Variants in CLDN1 observed in about 807,000 individuals in gnomAD.
CLDN1 encodes claudin 1.
CLDN1 carries 12 observed loss-of-function variants against 22.6 expected under a neutral mutation model. That is an observed-to-expected ratio of 0.53 (90% CI 0.34 to 0.86). The LOEUF (loss-of-function observed/expected upper bound fraction) is 0.86. Ranked by LOEUF, CLDN1 falls within the 40% of genes least tolerant of loss-of-function variation. The probability of loss-of-function intolerance (pLI) is 0.02; values close to 1 mark genes in which losing one functional copy is unlikely to be tolerated. For synonymous variants in CLDN1, 99 were observed against 103.8 expected (o/e 0.95, Z 0.28); for missense variants, 250 against 269.5 (o/e 0.93, Z 0.51).
chr3:190,308,404 G>T lies in CLDN1; in HGVS notation c.509C>A (p.Ala170Asp). 1 of 1,613,518 alleles carries T rather than the reference G, an allele frequency of 6.2e-7. No individual in the cohort carries two copies. Among genetic ancestry groups the T allele is most frequent in the East Asian group, 2.2e-5 (1 of 44,874 alleles). The stretch of plus-strand genomic sequence containing the variant: ...TCCCAGAAGGCAGAGAGAAGCAGCA[G>T]CCCAGCCAGTGAAGAGAGCCTGACC... ...EFGQALFTGW[A>D]AASLCLLGGA... Residue 170 changes from alanine (A) to aspartate (D), a missense_variant, in exon 4 of 4, where the codon GCT becomes GAT. Transcript: ENST00000295522.
chr3:190,309,859 G>T (rs1577387419), intron 3 of CLDN1, among the ~76,000 whole-genome samples: 1 of 152,070 alleles, frequency 6.6e-6, no homozygotes, highest in African/African-American at 2.4e-5. Flanking sequence ...CTTCAAAAAG[G>T]AAATTTCAAA....
chr3:190,311,799 G>A (rs531150764), intron 2 of CLDN1, among the ~76,000 whole-genome samples: 4 of 151,372 alleles, frequency 2.6e-5, no homozygotes, highest in South Asian at 4.2e-4. Flanking sequence ...ATATACACAC[G>A]TAAGTATACA....
chr3:190,312,407 G>A (rs1264832184), intron 2 of CLDN1, among the ~76,000 whole-genome samples: 1 of 151,500 alleles, frequency 6.6e-6, no homozygotes, highest in Non-Finnish European at 1.5e-5. Flanking sequence ...GTTTATTCTC[G>A]AATTAGATCT....
rs1489583410 is a variant in CLDN1, at chr3:190,306,278, T to G, written c.*1999A>C. 6.6e-6 allele frequency: 1 copy of G among 152,218 alleles called. No homozygotes were observed. Among genetic ancestry groups the G allele is most frequent in the Non-Finnish European group, 1.5e-5 (1 of 68,028 alleles). 9.4% of individuals were successfully genotyped at this position (152,218 alleles called of 1,614,324 possible). On this transcript the variant is annotated 3_prime_UTR_variant, in exon 4 of 4. Transcript: ENST00000295522. ...AGCCACAGAAAGCATCGGGCCATAC[T>G]CACTGCAGAAGATAAGACTTCCTCA... is the stretch of plus-strand genomic sequence containing the variant.
rs1400978150 is a variant in CLDN1 at position 190,307,923 on chromosome 3, A to G, written c.*354T>C. 1 of 183,844 alleles carries G rather than the reference A, an allele frequency of 5.4e-6. No homozygotes were observed. Among genetic ancestry groups the G allele is most frequent in the Non-Finnish European group, 1.2e-5 (1 of 86,346 alleles). 11.4% of individuals were successfully genotyped at this position (183,844 alleles called of 1,614,324 possible). The stretch of plus-strand genomic sequence containing the variant: ...AGATATTTTAAGTATGCTAGTATCA[A>G]CATAATGAGAATAGTATTTTACTGT... On this transcript the variant is annotated 3_prime_UTR_variant, in exon 4 of 4. Coordinates refer to ENST00000295522, the MANE Select transcript of CLDN1 (RefSeq NM_021101.5).
At chr3:190,315,214 A>G (rs924580918) in intron 1 of CLDN1, among the ~76,000 whole-genome samples, 3 of 152,212 alleles carry the variant, frequency 2.0e-5, no homozygotes, top group African/African-American at 7.2e-5. Flanking sequence ...ATGCCTGAAG[A>G]GGAGATGCTG....
chr3:190,310,004 T>A (rs190350375), intron 3 of CLDN1, among the ~76,000 whole-genome samples, 165 bp downstream of exon 3: 1 of 152,320 alleles, frequency 6.6e-6, no homozygotes, highest in East Asian at 1.9e-4. Context: ...AAAGCAATTA[T>A]CAAACTCATT....
intron 1 of CLDN1, 37 bp downstream of exon 1, chr3:190,321,947 C>A (rs1181167605): frequency 3.2e-6 from 5 of 1,550,582 alleles, no homozygotes; most frequent in Non-Finnish European, 4.5e-6. Flanking sequence ...GGGACTGGGG[C>A]CTCTGGACGG....
chr3:190,308,020 A>T lies in CLDN1; in HGVS notation c.*257T>A. ...TAAGGAGCACCCCTTCCCCCAGTTG[A>T]GTATGATTACTCAATGGGAAGCAGT... On this transcript the variant is annotated 3_prime_UTR_variant, in exon 4 of 4. Coordinates refer to ENST00000295522, the MANE Select transcript of CLDN1 (RefSeq NM_021101.5). 1 of 423,548 alleles carries T rather than the reference A, an allele frequency of 2.4e-6. No homozygotes were observed. Among genetic ancestry groups the T allele is most frequent in the Non-Finnish European group, 4.4e-6 (1 of 228,908 alleles). 26.2% of individuals were successfully genotyped at this position (423,548 alleles called of 1,614,324 possible).
Position 190,308,119 on chromosome 3 carries a change from G to T in CLDN1, c.*158C>A. On this transcript the variant is annotated 3_prime_UTR_variant, in exon 4 of 4. Coordinates refer to ENST00000295522, the MANE Select transcript of CLDN1 (RefSeq NM_021101.5). ...ATAAGATTAAGCCATGTTTAGCACT[G>T]AGTATTTTAACACATGGGTTTTTTG... The T allele has an allele frequency of 1.2e-6, 1 of 836,746 alleles. No homozygotes were observed. The allele number at this position is 836,746 out of a possible 1,614,324, so 51.8% of individuals were successfully genotyped here.
rs547097062 is a variant in CLDN1 at position 190,313,875 on chromosome 3, T to C, written c.224-839A>G. On this transcript the variant is annotated intron_variant, in intron 1 of 3. Coordinates refer to ENST00000295522, the MANE Select transcript of CLDN1 (RefSeq NM_021101.5). ...GTTTGAGACATTATCACTATGTTTC[T>C]TAAAGAGTAAAAACTTGATGCCATC... Among the ~76,000 whole-genome samples, 323 of 152,298 alleles carry C rather than the reference T, an allele frequency of 2.1e-3. No homozygotes were observed. In the Middle Eastern group the frequency reaches 0.027, roughly 13 times the overall value.
rs1437260448 is a variant in CLDN1, at chr3:190,322,028, C to T, written c.179G>A (p.Gly60Glu). The T allele has an allele frequency of 2.5e-6, 4 of 1,614,204 alleles. No individual in the cohort carries two copies. The highest frequency in any genetic ancestry group is 3.4e-6 in the Non-Finnish European group (4 of 1,180,046). ...GTCAAAGACTTTGCACTGGATCTGCCCGGTGCTCTGCGACACGCAGGACAT... is the reference window on the plus strand; with the variant it reads ...GTCAAAGACTTTGCACTGGATCTGCTCGGTGCTCTGCGACACGCAGGACAT... ...LWMSCVSQSTGQIQCKVFDSL... is the reference protein window; with the variant it reads ...LWMSCVSQSTEQIQCKVFDSL... The change falls in exon 1 of 4, where the codon GGG (glycine) becomes GAG (glutamate). Residue 60 changes from glycine (G) to glutamate (E), a missense_variant. Coordinates refer to ENST00000295522, the MANE Select transcript of CLDN1 (RefSeq NM_021101.5).
At chr3:190,320,531 A>G (rs1716891396) in intron 1 of CLDN1, among the ~76,000 whole-genome samples, 1 of 152,234 alleles carries the variant, frequency 6.6e-6, no homozygotes, top group African/African-American at 2.4e-5. Flanking sequence ...AGAAGTCCTG[A>G]TATGAGAACC....
At chr3:190,311,628 T>A (rs1176687373) in intron 2 of CLDN1, among the ~76,000 whole-genome samples, 1 of 150,794 alleles carries the variant, frequency 6.6e-6, no homozygotes, top group East Asian at 1.9e-4. Flanking sequence ...TACTATAATA[T>A]ACTACATATA....
Position 190,306,679 on chromosome 3 carries a change from C to T in CLDN1, c.*1598G>A, listed in dbSNP as rs1453762257. On this transcript the variant is annotated 3_prime_UTR_variant, in exon 4 of 4. Coordinates refer to ENST00000295522, the MANE Select transcript of CLDN1 (RefSeq NM_021101.5). ...GTCTCCAGACACCAATGCCAACACCCTTTCCATTACATCATCTTGCTCAAG... is the reference window on the plus strand; with the variant it reads ...GTCTCCAGACACCAATGCCAACACCTTTTCCATTACATCATCTTGCTCAAG... 1 of 152,682 alleles carries T rather than the reference C, an allele frequency of 6.5e-6. No individual in the cohort carries two copies. The highest frequency in any genetic ancestry group is 2.4e-5 in the African/African-American group (1 of 41,452). 9.5% of individuals were successfully genotyped at this position (152,682 alleles called of 1,614,324 possible).
chr3:190,309,663 A>G (rs1181550775), intron 3 of CLDN1, among the ~76,000 whole-genome samples: 1 of 152,242 alleles, frequency 6.6e-6, no homozygotes, highest in Non-Finnish European at 1.5e-5. Flanking sequence ...GTGAAAGAAC[A>G]AAAAATTTCA....
At chr3:190,314,801 A>G (rs1716722045) in intron 1 of CLDN1, among the ~76,000 whole-genome samples, 1 of 152,188 alleles carries the variant, frequency 6.6e-6, no homozygotes, top group South Asian at 2.1e-4. Context: ...ATTTAAAAAT[A>G]AAAAAGAGAC....
chr3:190,316,409 A>G (rs1198592443), intron 1 of CLDN1, among the ~76,000 whole-genome samples: 1 of 152,234 alleles, frequency 6.6e-6, no homozygotes, highest in African/African-American at 2.4e-5. Context: ...AAAATGCAAA[A>G]ATAATATACA....
At position 190,310,376 on chromosome 3, in the gene CLDN1, T is replaced by C. The variant is rs955005107; in HGVS notation, c.389-123A>G. 5 of 715,402 alleles carry C rather than the reference T, an allele frequency of 7.0e-6. No homozygotes were observed. In the Admixed American group the frequency reaches 1.1e-4, roughly 16 times the overall value. 44.3% of individuals were successfully genotyped at this position (715,402 alleles called of 1,614,324 possible). On this transcript the variant is annotated intron_variant, in intron 2 of 3. Coordinates refer to ENST00000295522, the MANE Select transcript of CLDN1 (RefSeq NM_021101.5). ...CTCATCAATAGTGTTGACATTTTTA[T>C]TTTGGTATTAGGGAGATTAGAAGTC...
Sources: allele counts gnomAD v4.1 joint callset (sites outside exome capture counted in the v4.1 genomes callset), GRCh38; gene constraint gnomAD v4.1.1; transcripts MANE v1.5; gene names NCBI Gene and HGNC (gene_info 2026-07-23, HGNC 2026-07-21).